The following NLRP2 variants were observed in gnomAD, a reference collection of about 807,000 sequenced individuals.
NLRP2 encodes NACHT, LRR and PYD domains-containing protein 2.
A neutral mutation model predicts 97.2 loss-of-function variants in NLRP2; 107 were observed. That is an observed-to-expected ratio of 1.10 (90% CI 0.94 to 1.29). NLRP2 has a LOEUF of 1.29. Ranked by LOEUF, NLRP2 falls within the 50% of genes most tolerant of loss-of-function variation. The pLI, the probability that NLRP2 is intolerant of heterozygous loss-of-function variation, is 0.00. For missense variants in NLRP2, 1,495 were observed against 1,330.3 expected (o/e 1.12, Z -1.93); for synonymous variants, 663 against 551.5 (o/e 1.20, Z -2.83).
rs931168857 is a variant in NLRP2, at chr19:54,999,076, C to G, written c.3050+1589C>G. Among the ~76,000 whole-genome samples the G allele has an allele frequency of 4.9e-4, 56 of 113,716 alleles. 1 individual carries two copies. Among genetic ancestry groups the G allele is most frequent in the Non-Finnish European group, 2.7e-4 (13 of 48,570 alleles). 74.6% of individuals were successfully genotyped at this position (113,716 alleles called of 152,430 possible). A position where few individuals can be genotyped will look rare whatever the true frequency, so the allele number is the denominator to read the frequency against. ...GGCCGGTTAGAGGGGCTCCTCACTT[C>G]CCATTAGGGGCGGCCGGGCAGAGGC... On this transcript the variant is annotated intron_variant, in intron 12 of 12. Transcript: ENST00000448584.
At chr19:54,987,404 A>G (rs2146481197) in intron 8 of NLRP2, among the ~76,000 whole-genome samples, 1 of 152,250 alleles carries the variant, frequency 6.6e-6, no homozygotes, top group East Asian at 1.9e-4. Flanking sequence ...TACATGCATC[A>G]TGGGGTTCCA....
chr19:54,967,022 T>C (rs557795570), intron 1 of NLRP2, among the ~76,000 whole-genome samples: 120 of 151,718 alleles, frequency 7.9e-4, no homozygotes, highest in African/African-American at 2.9e-3. Flanking sequence ...AATAATATTA[T>C]TATTACCACT....
intron 2 of NLRP2, among the ~76,000 whole-genome samples, chr19:54,970,828 T>A (rs984446648): frequency 3.3e-5 from 5 of 149,290 alleles, no homozygotes; most frequent in Middle Eastern, 3.5e-3. Flanking sequence ...TATTATTATT[T>A]TTTTTATTAT....
rs201560462 is a variant in NLRP2, at chr19:54,970,772, T to TC, written c.280+477_280+478insC. 7.5e-5 allele frequency among the ~76,000 whole-genome samples: 8 copies of TC among 106,030 alleles called. No individual in the cohort carries two copies. In the East Asian group the frequency reaches 1.5e-3, roughly 20 times the overall value. 69.6% of individuals were successfully genotyped at this position (106,030 alleles called of 152,430 possible). A position where few individuals can be genotyped will look rare whatever the true frequency, so the allele number is the denominator to read the frequency against. On this transcript the variant is annotated intron_variant, in intron 2 of 12. Coordinates refer to ENST00000448584, the MANE Select transcript of NLRP2 (RefSeq NM_017852.5). ...TGGTCCTTATTTTCTACCTACTTCT[T>TC]TTTTTTTTTTTTTTTGTCCTTTTAT...
intron 4 of NLRP2, 146 bp from the exon 5 acceptor site, chr19:54,981,471 A>G (rs2071565967): frequency 1.5e-6 from 1 of 668,356 alleles, no homozygotes; most frequent in Non-Finnish European, 2.7e-6. Context: ...CCTGGCCGGA[A>G]AACACATTTG....
intron 2 of NLRP2, among the ~76,000 whole-genome samples, chr19:54,970,773 T>TA (rs2070795745): frequency 1.4e-5 from 2 of 146,480 alleles, no homozygotes; most frequent in South Asian, 4.2e-4. Context: ...CCTACTTCTT[T>TA]TTTTTTTTTT....
At chr19:54,991,013 A>G (rs2072441541) in intron 10 of NLRP2, 5 of 358,724 alleles carry the variant, frequency 1.4e-5, no homozygotes, top group Non-Finnish European at 2.1e-5. Flanking sequence ...TGGCCTCCCA[A>G]AGTGCTAGAA....
intron 2 of NLRP2, among the ~76,000 whole-genome samples, chr19:54,972,775 C>T (rs78892661): frequency 0.013 from 1,928 of 152,144 alleles, 30 homozygotes; most frequent in African/African-American, 0.043. Context: ...GCTTTATTTA[C>T]AGTAACCAAG....
At chr19:54,986,005 GA>G (rs202015202) in intron 7 of NLRP2, 145 bp from the exon 8 acceptor site, 713 of 635,778 alleles carry the variant, frequency 1.1e-3, no homozygotes, top group South Asian at 1.3e-3. Flanking sequence ...CCATCTCAAA[GA>G]AAAAAAAAAT....
Position 54,994,266 on chromosome 19 carries a change from T to C in NLRP2, c.2709-3T>C. Reference sequence around the variant, plus strand: ...TTGCTTTCTTCCTGTGGTTGATTTCTAGGCTTTGGAACTGCGACATAACTA... The same window carrying C: ...TTGCTTTCTTCCTGTGGTTGATTTCCAGGCTTTGGAACTGCGACATAACTA... On this transcript the variant is annotated splice_polypyrimidine_tract_variant and splice_region_variant and intron_variant, in intron 10 of 12. Coordinates refer to ENST00000448584, the MANE Select transcript of NLRP2 (RefSeq NM_017852.5). 2 of 1,614,098 alleles carry C rather than the reference T, an allele frequency of 1.2e-6. No homozygotes were observed. Among genetic ancestry groups the C allele is most frequent in the Non-Finnish European group, 1.7e-6 (2 of 1,179,960 alleles).
intron 4 of NLRP2, among the ~76,000 whole-genome samples, chr19:54,980,662 A>G (rs979060463): frequency 1.3e-5 from 2 of 152,228 alleles, no homozygotes; most frequent in Admixed American, 1.3e-4. Flanking sequence ...GCTTGGGCTG[A>G]TTGATAATGT....
chr19:54,986,161 A>C lies in NLRP2; in HGVS notation c.2212A>C (p.Ile738Leu). ...CHLQRVVFKN[I>L]SPADAHRNLC... ...TTCTCTTTTCCCTAGGTTCAAAAACATTTCCCCAGCTGATGCTCATCGGAA... is the reference window on the plus strand; with the variant it reads ...TTCTCTTTTCCCTAGGTTCAAAAACCTTTCCCCAGCTGATGCTCATCGGAA... Residue 738 changes from isoleucine (I) to leucine (L), a missense_variant, in exon 8 of 13, where the codon ATT becomes CTT. Ile to Leu is a conservative substitution (Grantham distance 5). Transcript: ENST00000448584. 6.2e-7 allele frequency: 1 copy of C among 1,613,124 alleles called. No individual in the cohort carries two copies. Among genetic ancestry groups the C allele is most frequent in the South Asian group, 1.1e-5 (1 of 91,070 alleles).
intron 3 of NLRP2, among the ~76,000 whole-genome samples, chr19:54,975,127 T>TTTTTTG (rs2071133892): frequency 9.2e-6 from 1 of 108,648 alleles, no homozygotes; most frequent in Admixed American, 9.8e-5. Context: ...TTTTTTTTTT[T>TTTTTTG]TTTTTTTTTT....
At chr19:54,996,762 C>A (rs889035009) in intron 11 of NLRP2, among the ~76,000 whole-genome samples, 1 of 151,986 alleles carries the variant, frequency 6.6e-6, no homozygotes, top group South Asian at 2.1e-4. Context: ...AGAACTCCCC[C>A]CCGAGCTCTA....
chr19:54,983,754 C>G (rs374333934), intron 6 of NLRP2, 26 bp downstream of exon 6: 1 of 1,604,160 alleles, frequency 6.2e-7, no homozygotes, highest in Non-Finnish European at 8.5e-7. Context: ...CTCTACCAGT[C>G]GTTCCATCTT....
rs945026463 is a variant in NLRP2, at chr19:54,970,281, A to G, written c.266A>G (p.Lys89Arg). ...CGAATGGATCTGTCTGAGAGAGCAAAGGATGAAGTCAGAGGTGAGTGGAAA... is the reference window on the plus strand; with the variant it reads ...CGAATGGATCTGTCTGAGAGAGCAAGGGATGAAGTCAGAGGTGAGTGGAAA... ...MHRMDLSERA[K>R]DEVREAALKS... is the part of the protein sequence containing the mutation. Residue 89 changes from lysine to arginine, a missense_variant, in exon 2 of 13, where the codon AAG becomes AGG. By Grantham distance (26) the Lys-to-Arg change is conservative. Transcript: ENST00000448584. The G allele has an allele frequency of 6.2e-7, 1 of 1,614,156 alleles. No homozygotes were observed. The highest frequency in any genetic ancestry group is 2.2e-5 in the East Asian group (1 of 44,878).
At chr19:54,976,910 G>A (rs754273233) in intron 3 of NLRP2, 11 of 399,754 alleles carry the variant, frequency 2.8e-5, no homozygotes, top group Middle Eastern at 4.9e-4. Flanking sequence ...CGCCTCCTGG[G>A]TTCAAGCAAT....
At chr19:54,976,985 T>G in intron 3 of NLRP2, 1 of 349,330 alleles carries the variant, frequency 2.9e-6, no homozygotes, top group Admixed American at 3.9e-5. Flanking sequence ...CCCGGCTAAT[T>G]TTTTGTTTTA....
intron 9 of NLRP2, 36 bp from the exon 10 acceptor site, chr19:54,990,466 C>A (rs1654496): frequency 0.28 from 451,292 of 1,606,682 alleles, 67,219 homozygotes; most frequent in Non-Finnish European, 0.31. Flanking sequence ...GAAGTTGGAC[C>A]TGTCAACCGT....
Sources: gnomAD v4.1 joint callset for allele counts (sites outside exome capture counted in the v4.1 genomes callset) on GRCh38, gnomAD v4.1.1 for gene constraint, MANE v1.5 for transcripts, NCBI Gene and HGNC (gene_info 2026-07-23, HGNC 2026-07-21) for gene names.